TTPA: variants seen among roughly 807,000 people sequenced by gnomAD.
TTPA encodes the protein alpha-tocopherol transfer protein.
TTPA carries 23 observed loss-of-function variants against 25.9 expected under a neutral mutation model. The observed-to-expected ratio is 0.89, with a 90% CI of 0.64 to 1.26. The LOEUF (loss-of-function observed/expected upper bound fraction) is 1.26. Among genes scored for constraint, TTPA ranks in the 50% most tolerant of loss-of-function variants. The probability of loss-of-function intolerance (pLI) is 0.00; values close to 1 mark genes in which losing one functional copy is unlikely to be tolerated. For synonymous variants in TTPA, 148 were observed against 137.3 expected (o/e 1.08, Z -0.54); for missense variants, 337 against 353.1 (o/e 0.95, Z 0.37).
rs1302942560 is a variant in TTPA at position 63,085,964 on chromosome 8, G to A, written c.58C>T (p.His20Tyr). The change falls in exon 1 of 5, where the codon CAC becomes TAC. Residue 20 changes from histidine to tyrosine, a missense_variant. By Grantham distance (83) the His-to-Tyr change is moderately conservative. Transcript: ENST00000260116. ...AGPQLNALPD[H>Y]SPLLQPGLAA... ...AGGCCCGGCTGCAGCAACGGAGAGT[G>A]GTCCGGTAGCGCGTTGAGCTGCGGC... 6.6e-7 allele frequency: 1 copy of A among 1,518,756 alleles called. No individual in the cohort carries two copies. The highest frequency in any genetic ancestry group is 8.8e-7 in the Non-Finnish European group (1 of 1,141,836). The allele number at this position is 1,518,756 out of a possible 1,614,324, so 94.1% of individuals were successfully genotyped here.
At position 63,061,074 on chromosome 8, in the gene TTPA, TTAAAAAG is replaced by T; in HGVS notation, c.*171_*177del. ...ACTTCAAAAGTAGAGAAAAAAGCATTTAAAAAGTAAAAAATCTTTCCAAACACCTGTG... is the reference window on the plus strand; with the variant it reads ...ACTTCAAAAGTAGAGAAAAAAGCATTTAAAAAATCTTTCCAAACACCTGTG... On this transcript the variant is annotated 3_prime_UTR_variant, in exon 5 of 5. Coordinates refer to ENST00000260116, the MANE Select transcript of TTPA (RefSeq NM_000370.3). The T allele has an allele frequency of 1.5e-6, 1 of 651,222 alleles. No homozygotes were observed. The highest frequency in any genetic ancestry group is 2.9e-5 in the East Asian group (1 of 34,240). The allele number at this position is 651,222 out of a possible 1,614,324, so 40.3% of individuals were successfully genotyped here. A position where few individuals can be genotyped will look rare whatever the true frequency, so the allele number is the denominator to read the frequency against.
At chr8:63,077,497 A>G (rs994597872) in intron 1 of TTPA, among the ~76,000 whole-genome samples, 1 of 152,250 alleles carries the variant, frequency 6.6e-6, no homozygotes, top group African/African-American at 2.4e-5. Context: ...CTGGCACACA[A>G]GGAGATTCTC....
At chr8:63,059,020 G>GTTTTTTTTTT (rs35335226), downstream of TTPA, among the ~76,000 whole-genome samples, 14 of 67,190 alleles carry the variant, frequency 2.1e-4, 2 homozygotes, top group African/African-American at 3.6e-4. Context: ...GCAGGGTCCA[G>GTTTTTTTTTT]TTTTTTTTTT....
intron 2 of TTPA, among the ~76,000 whole-genome samples, chr8:63,072,193 A>G (rs1805493376): frequency 6.6e-6 from 1 of 152,232 alleles, no homozygotes; most frequent in Admixed American, 6.5e-5. Context: ...TGCTTGGGAT[A>G]CACCAGCAAA....
intron 1 of TTPA, among the ~76,000 whole-genome samples, chr8:63,082,128 C>T (rs1256571637): frequency 2.6e-5 from 4 of 152,076 alleles, no homozygotes; most frequent in South Asian, 4.1e-4. Context: ...CTTCACAGAA[C>T]TGGAAAAAAC....
intron 1 of TTPA, among the ~76,000 whole-genome samples, chr8:63,081,968 A>G (rs1461758347): frequency 6.6e-6 from 1 of 152,198 alleles, no homozygotes. Context: ...AGAACTACAA[A>G]CCACTGCTCA....
chr8:63,082,386 T>C (rs1011683877), intron 1 of TTPA, among the ~76,000 whole-genome samples: 1 of 152,246 alleles, frequency 6.6e-6, no homozygotes, highest in African/African-American at 2.4e-5. Flanking sequence ...AAACAAAAAA[T>C]GGGGAAAGGA....
At chr8:63,071,405 A>G (rs985691988) in intron 2 of TTPA, among the ~76,000 whole-genome samples, 1 of 152,210 alleles carries the variant, frequency 6.6e-6, no homozygotes, top group Non-Finnish European at 1.5e-5. Context: ...TTAAAGATAT[A>G]GTTGTTTCTG....
rs113600979 is a variant in TTPA, at chr8:63,066,131, T to C, written c.359-34A>G. 1.3e-4 allele frequency: 206 copies of C among 1,592,594 alleles called. No homozygotes were observed. In the African/African-American group the frequency reaches 2.4e-3, roughly 19 times the overall value. ...AATAAAGCATATCATATCTTAGCAT[T>C]GTGTAAAAAATCAGAAAGATTTCCA... On this transcript the variant is annotated intron_variant, in intron 2 of 4. Coordinates refer to ENST00000260116, the MANE Select transcript of TTPA (RefSeq NM_000370.3).
intron 1 of TTPA, among the ~76,000 whole-genome samples, chr8:63,079,315 C>G (rs1805622084): frequency 6.6e-6 from 1 of 152,160 alleles, no homozygotes; most frequent in Non-Finnish European, 1.5e-5. Context: ...ATGACTGGAT[C>G]AAATTCACAC....
At chr8:63,073,682 T>C (rs1188414748) in intron 1 of TTPA, among the ~76,000 whole-genome samples, 1 of 152,180 alleles carries the variant, frequency 6.6e-6, no homozygotes, top group Non-Finnish European at 1.5e-5. Flanking sequence ...CTGCCCAAAC[T>C]GGTGATATCA....
chr8:63,080,080 T>C (rs1008908152), intron 1 of TTPA, among the ~76,000 whole-genome samples: 5 of 152,148 alleles, frequency 3.3e-5, no homozygotes, highest in African/African-American at 1.2e-4. Context: ...ACTGGGTAAA[T>C]AATGAAATGA....
intron 1 of TTPA, among the ~76,000 whole-genome samples, chr8:63,083,455 A>C (rs941516404): frequency 6.6e-6 from 1 of 152,106 alleles, no homozygotes; most frequent in African/African-American, 2.4e-5. Flanking sequence ...TTGGACACAC[A>C]GTGGGGAACA....
chr8:63,065,064 T>C (rs1805368088), intron 3 of TTPA, among the ~76,000 whole-genome samples: 1 of 152,220 alleles, frequency 6.6e-6, no homozygotes, highest in Middle Eastern at 3.2e-3. Flanking sequence ...GTTTTATTAT[T>C]GTTGCAAGAA....
At position 63,061,345 on chromosome 8, in the gene TTPA, T is replaced by G; in HGVS notation, c.744A>C (p.Glu248Asp). 1 of 1,613,884 alleles carries G rather than the reference T, an allele frequency of 6.2e-7. No homozygotes were observed. The highest frequency in any genetic ancestry group is 8.5e-7 in the Non-Finnish European group (1 of 1,179,872). ...PDILPLEYGG[E>D]EFSMEDICQE... ...GACAAATGTCCTCCATGGAGAATTC[T>G]TCACCACCATATTCCAGAGGAAGAA... Residue 248 changes from glutamate to aspartate, a missense_variant, in exon 5 of 5, where the codon GAA (glutamate) becomes GAC (aspartate). Transcript: ENST00000260116.
At chr8:63,064,050 A>C (rs1805348896) in intron 4 of TTPA, among the ~76,000 whole-genome samples, 156 bp downstream of exon 4, 1 of 152,166 alleles carries the variant, frequency 6.6e-6, no homozygotes, top group African/African-American at 2.4e-5. Context: ...ATTTTAATTT[A>C]CTTTTTTTTA....
intron 1 of TTPA, among the ~76,000 whole-genome samples, chr8:63,085,566 G>A (rs1805735144): frequency 6.6e-6 from 1 of 152,184 alleles, no homozygotes; most frequent in African/African-American, 2.4e-5. Flanking sequence ...GAGATCAAAT[G>A]GGCCATTATC....
At chr8:63,084,351 G>C (rs1201209163) in intron 1 of TTPA, among the ~76,000 whole-genome samples, 2 of 152,186 alleles carry the variant, frequency 1.3e-5, no homozygotes, top group South Asian at 2.1e-4. Context: ...GTCAGTGATG[G>C]AAGAAACCAC....
At chr8:63,064,056 T>C (rs1805349235) in intron 4 of TTPA, 150 bp downstream of exon 4, 1 of 604,238 alleles carries the variant, frequency 1.7e-6, no homozygotes, top group Non-Finnish European at 2.9e-6. Flanking sequence ...ATTTACTTTT[T>C]TTTAGTTGGC....
Sources: gnomAD v4.1 joint callset for allele counts (sites outside exome capture counted in the v4.1 genomes callset) on GRCh38, gnomAD v4.1.1 for gene constraint, MANE v1.5 for transcripts, NCBI Gene and HGNC (gene_info 2026-07-23, HGNC 2026-07-21) for gene names.